Variants in IL1RL2 observed in about 807,000 individuals in gnomAD.
IL1RL2 encodes interleukin-1 receptor-like 2.
IL1RL2 carries 68 observed loss-of-function variants against 66.8 expected under a neutral mutation model. The ratio of observed to expected loss-of-function variants is 1.02; its 90% CI spans 0.84 to 1.25. The LOEUF (loss-of-function observed/expected upper bound fraction) is 1.25. Among genes scored for constraint, IL1RL2 ranks in the 50% most tolerant of loss-of-function variants. The probability of loss-of-function intolerance (pLI) is 0.00; values close to 1 mark genes in which losing one functional copy is unlikely to be tolerated. For synonymous variants in IL1RL2, 305 were observed against 264.6 expected, an observed-to-expected ratio of 1.15 and a Z score of -1.48; for missense variants, 729 against 709.3, an observed-to-expected ratio of 1.03 and a Z score of -0.32.
intron 9 of IL1RL2, among the ~76,000 whole-genome samples, chr2:102,228,261 T>C (rs987406820): frequency 1.3e-5 from 2 of 152,200 alleles, no homozygotes; most frequent in African/African-American, 2.4e-5. Flanking sequence ...TCCCAGATCT[T>C]GTTTATGTCC....
Position 102,239,699 on chromosome 2 carries a change from G to T in IL1RL2, c.*458G>T, listed in dbSNP as rs1408562109. On this transcript the variant is annotated 3_prime_UTR_variant, in exon 12 of 12. Coordinates refer to ENST00000264257, the MANE Select transcript of IL1RL2 (RefSeq NM_003854.4). The stretch of plus-strand genomic sequence containing the variant: ...CTGGGAGCATCCCCATGTCATGGTG[G>T]GCGAGATCTGGGGGGTATCCCCACG... 5.5e-6 allele frequency: 1 copy of T among 181,454 alleles called. No homozygotes were observed. Among genetic ancestry groups the T allele is most frequent in the Non-Finnish European group, 1.2e-5 (1 of 83,314 alleles). 11.2% of individuals were successfully genotyped at this position (181,454 alleles called of 1,614,324 possible).
intron 8 of IL1RL2, among the ~76,000 whole-genome samples, chr2:102,224,851 G>A: frequency 6.6e-6 from 1 of 152,130 alleles, no homozygotes; most frequent in East Asian, 1.9e-4. Context: ...ATAAATATGT[G>A]CAACTATTAT....
chr2:102,220,018 G>A lies in IL1RL2; in HGVS notation c.991+1G>A. On this transcript the variant is annotated splice_donor_variant, in intron 8 of 11. Coordinates refer to ENST00000264257, the MANE Select transcript of IL1RL2 (RefSeq NM_003854.4). LOFTEE classifies it high-confidence loss of function. ...GCATACATTATATTACAGCTCCCAG[G>A]TAATACTCCAGTGGGTTACACACTG... 1 of 1,608,578 alleles carries A rather than the reference G, an allele frequency of 6.2e-7. No homozygotes were observed. Among genetic ancestry groups the A allele is most frequent in the Non-Finnish European group, 8.5e-7 (1 of 1,175,528 alleles).
At position 102,235,120 on chromosome 2, in the gene IL1RL2, G is replaced by C; in HGVS notation, c.1521G>C (p.Lys507Asn). The change falls in exon 11 of 12, where the codon AAG (lysine) becomes AAC (asparagine). Residue 507 changes from lysine (K) to asparagine (N), a missense_variant. Transcript: ENST00000264257. ...MPESIQYIKQ[K>N]HGAIRWHGDF... The stretch of plus-strand genomic sequence containing the variant: ...AGTCAATTCAGTACATCAAACAGAA[G>C]CATGGTGCCATCCGGTGGCATGGGG... 1 of 1,614,252 alleles carries C rather than the reference G, an allele frequency of 6.2e-7. No individual in the cohort carries two copies. The highest frequency in any genetic ancestry group is 8.5e-7 in the Non-Finnish European group (1 of 1,180,050).
intron 6 of IL1RL2, among the ~76,000 whole-genome samples, chr2:102,217,422 G>C (rs1045711184): frequency 6.6e-6 from 1 of 152,040 alleles, no homozygotes; most frequent in Non-Finnish European, 1.5e-5. Context: ...CCTAAAATTT[G>C]TATAGGACCA....
At chr2:102,216,672 T>G (rs1343415480) in intron 6 of IL1RL2, among the ~76,000 whole-genome samples, 1 of 152,186 alleles carries the variant, frequency 6.6e-6, no homozygotes, top group East Asian at 1.9e-4. Context: ...CTCTCTTGTT[T>G]ACTTTTGTGG....
Position 102,235,363 on chromosome 2 carries a change from G to A in IL1RL2, c.1678+86G>A, listed in dbSNP as rs192665749. On this transcript the variant is annotated intron_variant, in intron 11 of 11. Coordinates refer to ENST00000264257, the MANE Select transcript of IL1RL2 (RefSeq NM_003854.4). ...GTGGCTCACAGCTGGAGGAGGACAC[G>A]TTTCATCGGGGCCGTCTGCTCTGAA... 13,708 of 1,537,874 alleles carry A rather than the reference G, an allele frequency of 8.9e-3. 73 individuals carry two copies. The highest frequency in any genetic ancestry group is 0.011 in the Non-Finnish European group (12,064 of 1,144,314).
At chr2:102,217,779 A>G (rs1334359329) in intron 6 of IL1RL2, among the ~76,000 whole-genome samples, 4 of 152,220 alleles carry the variant, frequency 2.6e-5, no homozygotes, top group Non-Finnish European at 4.4e-5. Context: ...TCAAAACTCA[A>G]CTTGAAATGG....
At position 102,226,001 on chromosome 2, in the gene IL1RL2, T is replaced by G. The variant is rs560899165; in HGVS notation, c.1095T>G (p.Leu365=). 1.9e-6 allele frequency: 3 copies of G among 1,606,764 alleles called. No individual in the cohort carries two copies. The highest frequency in any genetic ancestry group is 4.5e-5 in the East Asian group (2 of 44,268). The change falls in exon 9 of 12, where the codon CTT becomes CTG. Residue 365 remains leucine, a synonymous_variant. Coordinates refer to ENST00000264257, the MANE Select transcript of IL1RL2 (RefSeq NM_003854.4). ...ACATTTTTAAGATCGACATTGTTCT[T>G]TGGTATCGAAGTGCCTTCCATTCTA... is the stretch of plus-strand genomic sequence containing the variant. ...IYNIFKIDIV[L]WYRSAFHSTE...
intron 8 of IL1RL2, among the ~76,000 whole-genome samples, chr2:102,220,537 A>G (rs544240226): frequency 1.3e-5 from 2 of 152,340 alleles, no homozygotes; most frequent in South Asian, 4.1e-4. Flanking sequence ...AAAGTCAGTG[A>G]AAAGATAGTG....
At chr2:102,233,815 C>T (rs1457652363) in intron 10 of IL1RL2, among the ~76,000 whole-genome samples, 1 of 152,144 alleles carries the variant, frequency 6.6e-6, no homozygotes, top group Non-Finnish European at 1.5e-5. Flanking sequence ...CCTTTGTTCT[C>T]CTTCTTGGAA....
downstream of IL1RL2, among the ~76,000 whole-genome samples, chr2:102,240,383 TTTTTTG>T (rs1675196941): frequency 7.2e-6 from 1 of 138,682 alleles, no homozygotes; most frequent in African/African-American, 2.7e-5. Context: ...TTTTTTTTTT[TTTTTTG>T]AGACAGAGTT....
In IL1RL2 at chr2:102,220,004, A is replaced by G; in HGVS notation, c.978A>G (p.Ile326Met). 1 of 1,611,696 alleles carries G rather than the reference A, an allele frequency of 6.2e-7. No homozygotes were observed. Among genetic ancestry groups the G allele is most frequent in the Non-Finnish European group, 8.5e-7 (1 of 1,178,076 alleles). Reference protein sequence around the residue: ...CHAGVSTAYIILQLPAPDFRA... With the variant: ...CHAGVSTAYIMLQLPAPDFRA... ...CTGGAGTGTCCACAGCATACATTAT[A>G]TTACAGCTCCCAGGTAATACTCCAG... is the stretch of plus-strand genomic sequence containing the variant. The change falls in exon 8 of 12, where the codon ATA becomes ATG. Residue 326 changes from isoleucine to methionine, a missense_variant. Coordinates refer to ENST00000264257, the MANE Select transcript of IL1RL2 (RefSeq NM_003854.4).
At chr2:102,216,122 A>G (rs1197718663) in intron 6 of IL1RL2, among the ~76,000 whole-genome samples, 1 of 152,264 alleles carries the variant, frequency 6.6e-6, no homozygotes, top group Non-Finnish European at 1.5e-5. Context: ...ACAAGAGAAT[A>G]CAAGCAAATA....
chr2:102,191,503 C>A (rs1167639565), intron 3 of IL1RL2, among the ~76,000 whole-genome samples: 1 of 152,102 alleles, frequency 6.6e-6, no homozygotes, highest in Non-Finnish European at 1.5e-5. Flanking sequence ...GGAACAGTTC[C>A]TCAGTCTTTG....
intron 4 of IL1RL2, among the ~76,000 whole-genome samples, chr2:102,197,504 C>T (rs1255635165): frequency 6.6e-6 from 1 of 152,146 alleles, no homozygotes; most frequent in Admixed American, 6.5e-5. Context: ...AAGTGTAATG[C>T]CCATGGTGAG....
At position 102,189,321 on chromosome 2, in the gene IL1RL2, A is replaced by C. The variant is rs1469978634; in HGVS notation, c.293+11A>C. On this transcript the variant is annotated intron_variant, in intron 3 of 11. Transcript: ENST00000264257. ...CCAATGTGTTATAAAGTAAGTTCCT[A>C]ATTTAAAATAGAACTAACTCGTGTG... The C allele has an allele frequency of 6.6e-7, 1 of 1,518,554 alleles. No homozygotes were observed. The highest frequency in any genetic ancestry group is 1.4e-5 in the African/African-American group (1 of 72,526). The allele number at this position is 1,518,554 out of a possible 1,614,324, so 94.1% of individuals were successfully genotyped here. A position where few individuals can be genotyped will look rare whatever the true frequency, so the allele number is the denominator to read the frequency against.
At chr2:102,208,244 T>C (rs1183731263) in intron 5 of IL1RL2, among the ~76,000 whole-genome samples, 3 of 152,046 alleles carry the variant, frequency 2.0e-5, no homozygotes, top group Middle Eastern at 3.2e-3. Flanking sequence ...TGTAGATGGT[T>C]GTTAACTTGG....
At chr2:102,189,703 C>G (rs1458646228) in intron 3 of IL1RL2, among the ~76,000 whole-genome samples, 1 of 152,176 alleles carries the variant, frequency 6.6e-6, no homozygotes, top group Non-Finnish European at 1.5e-5. Context: ...CTGCAACCTC[C>G]GCCTCCCAGG....
Sources: gnomAD v4.1 joint callset for allele counts (sites outside exome capture counted in the v4.1 genomes callset) on GRCh38, gnomAD v4.1.1 for gene constraint, MANE v1.5 for transcripts, NCBI Gene and HGNC (gene_info 2026-07-23, HGNC 2026-07-21) for gene names.